The following MAD1L1 variants were observed in gnomAD, a reference collection of about 807,000 sequenced individuals.
MAD1L1 encodes mitotic spindle assembly checkpoint protein MAD1.
In MAD1L1, 95 loss-of-function variants were observed where a neutral mutation model predicts 96.9. The ratio of observed to expected loss-of-function variants is 0.98; its 90% CI spans 0.83 to 1.16. MAD1L1 has a LOEUF of 1.16. MAD1L1 is among the 50% of genes most tolerant of loss of function. The pLI, the probability that MAD1L1 is intolerant of heterozygous loss-of-function variation, is 0.00. For synonymous variants in MAD1L1, 473 were observed against 396.6 expected (o/e 1.19, Z -2.29); for missense variants, 1,007 against 954.4 (o/e 1.06, Z -0.73).
At position 2,218,370 on chromosome 7, in the gene MAD1L1, A is replaced by G. The variant is rs902856627; in HGVS notation, c.597-327T>C. 3.9e-5 allele frequency among the ~76,000 whole-genome samples: 6 copies of G among 152,168 alleles called. No individual in the cohort carries two copies. In the East Asian group the frequency reaches 7.7e-4, roughly 20 times the overall value. On this transcript the variant is annotated intron_variant, in intron 6 of 18. Coordinates refer to ENST00000265854, the MANE Select transcript of MAD1L1 (RefSeq NM_001013836.2). ...CTCTCACCTGCCTGCGGCAACCCCC[A>G]GCCCTGGTGCAGCTGCGGTAGGGCC...
At chr7:2,083,149 CT>C (rs1785738114) in intron 11 of MAD1L1, among the ~76,000 whole-genome samples, 1 of 152,218 alleles carries the variant, frequency 6.6e-6, no homozygotes, top group Admixed American at 6.5e-5. Context: ...ATTCCCCGTG[CT>C]GAGTAACAAA....
chr7:1,971,687 T>C (rs1295060844), intron 15 of MAD1L1, among the ~76,000 whole-genome samples: 1 of 152,130 alleles, frequency 6.6e-6, no homozygotes, highest in Non-Finnish European at 1.5e-5. Flanking sequence ...GGCATTTACC[T>C]GAAGACAAAG....
At position 2,219,361 on chromosome 7, in the gene MAD1L1, C is replaced by T; in HGVS notation, c.567G>A (p.Glu189=). 3.8e-6 allele frequency: 6 copies of T among 1,596,016 alleles called. No individual in the cohort carries two copies. Among genetic ancestry groups the T allele is most frequent in the Non-Finnish European group, 5.1e-6 (6 of 1,170,504 alleles). Residue 189 remains glutamate, a synonymous_variant, in exon 6 of 19, where the codon GAG becomes GAA. Transcript: ENST00000265854. The part of the protein sequence containing the change: ...RVKRLESEKQ[E]LQEQLDLQHK... ...GTTGCAGGTCCAGCTGCTCCTGCAG[C>T]TCCTGCTTCTCCGACTCCAGGCGCT...
At chr7:1,997,706 C>T (rs1013246476) in intron 14 of MAD1L1, among the ~76,000 whole-genome samples, 8 of 152,232 alleles carry the variant, frequency 5.3e-5, no homozygotes, top group Admixed American at 3.3e-4. Context: ...CAGCCCAGTG[C>T]GGTGGCGGGG....
chr7:1,966,355 G>A (rs1019129123), intron 15 of MAD1L1, among the ~76,000 whole-genome samples: 3 of 152,194 alleles, frequency 2.0e-5, no homozygotes, highest in Non-Finnish European at 2.9e-5. Flanking sequence ...AGCCTGGAGA[G>A]AGGCAGTTCC....
At chr7:2,159,673 A>T (rs1790008373) in intron 10 of MAD1L1, among the ~76,000 whole-genome samples, 2 of 152,236 alleles carry the variant, frequency 1.3e-5, no homozygotes, top group Non-Finnish European at 2.9e-5. Context: ...AACAGTAACT[A>T]TCCGACTAAA....
chr7:2,041,767 G>T (rs1251262841), intron 12 of MAD1L1, among the ~76,000 whole-genome samples: 1 of 152,200 alleles, frequency 6.6e-6, no homozygotes, highest in Non-Finnish European at 1.5e-5. Context: ...GAGAGGAGTA[G>T]AAAACTCCAC....
At chr7:2,002,442 G>A (rs1310075233) in intron 13 of MAD1L1, among the ~76,000 whole-genome samples, 1 of 152,222 alleles carries the variant, frequency 6.6e-6, no homozygotes, top group African/African-American at 2.4e-5. Flanking sequence ...GGCCCAAGAG[G>A]GACTGTGGAA....
chr7:2,034,462 C>T (rs570479818), intron 12 of MAD1L1, among the ~76,000 whole-genome samples: 2 of 152,292 alleles, frequency 1.3e-5, no homozygotes, highest in East Asian at 1.9e-4. Flanking sequence ...GCAATCCACC[C>T]GTCTCAGCCT....
chr7:2,053,256 C>T (rs1006106355), intron 12 of MAD1L1, among the ~76,000 whole-genome samples: 6 of 152,154 alleles, frequency 3.9e-5, no homozygotes, highest in Non-Finnish European at 7.3e-5. Context: ...TTGGGGGCCG[C>T]GGAGGCCCAT....
chr7:1,884,016 C>G (rs1359665632), intron 18 of MAD1L1, among the ~76,000 whole-genome samples: 1 of 151,964 alleles, frequency 6.6e-6, no homozygotes, highest in South Asian at 2.1e-4. Flanking sequence ...CAGCTGGGGA[C>G]TCCCCAGCAT....
rs185298053 is a variant in MAD1L1 at position 2,223,937 on chromosome 7, G to A, written c.292-1183C>T. The stretch of plus-strand genomic sequence containing the variant: ...TGGGGTCCCATGCAGCTGTGTCTGC[G>A]GGCAAGGAAGGACAGTCCTGTTAGA... On this transcript the variant is annotated intron_variant, in intron 4 of 18. Transcript: ENST00000265854. Among the ~76,000 whole-genome samples the A allele has an allele frequency of 8.1e-4, 124 of 152,264 alleles. 2 individuals carry two copies. The highest frequency in any genetic ancestry group is 7.2e-3 in the East Asian group (37 of 5,168).
intron 15 of MAD1L1, among the ~76,000 whole-genome samples, chr7:1,962,106 C>T (rs1422233433): frequency 2.0e-5 from 3 of 151,644 alleles, no homozygotes; most frequent in Admixed American, 2.0e-4. Flanking sequence ...AATCATAGGG[C>T]GGTTTCCCCC....
intron 11 of MAD1L1, among the ~76,000 whole-genome samples, chr7:2,104,756 A>T (rs1036268540): frequency 6.6e-6 from 1 of 152,160 alleles, no homozygotes; most frequent in African/African-American, 2.4e-5. Context: ...CTTTGCCATG[A>T]AAGACCTCAC....
At chr7:1,926,976 G>C (rs1432346376) in intron 17 of MAD1L1, among the ~76,000 whole-genome samples, 1 of 152,168 alleles carries the variant, frequency 6.6e-6, no homozygotes, top group Non-Finnish European at 1.5e-5. Context: ...CAAAGGATTA[G>C]AAAACAAAAT....
rs370941880 is a variant in MAD1L1 at position 2,064,834 on chromosome 7, G to A, written c.1218+4360C>T. On this transcript the variant is annotated intron_variant, in intron 12 of 18. Transcript: ENST00000265854. ...GGACAGCGGCTTCTCCCAGGACAGC[G>A]GCTTCTCCTAGGAGGACAGTGTCTT... Among the ~76,000 whole-genome samples, 839 of 136,442 alleles carry A rather than the reference G, an allele frequency of 6.1e-3. 2 individuals carry two copies. The highest frequency in any genetic ancestry group is 8.6e-3 in the Non-Finnish European group (548 of 63,962). The allele number at this position is 136,442 out of a possible 152,430, so 89.5% of individuals were successfully genotyped here.
At chr7:2,024,225 C>G (rs1782904129) in intron 12 of MAD1L1, among the ~76,000 whole-genome samples, 1 of 152,144 alleles carries the variant, frequency 6.6e-6, no homozygotes, top group African/African-American at 2.4e-5. Context: ...TTATGAGCAA[C>G]TCTACGCCCA....
intron 1 of MAD1L1, among the ~76,000 whole-genome samples, chr7:2,231,805 G>T (rs970696948): frequency 6.6e-6 from 1 of 152,106 alleles, no homozygotes; most frequent in Non-Finnish European, 1.5e-5. Flanking sequence ...CGAGCACCGA[G>T]ACTTCTTGAA....
intron 12 of MAD1L1, among the ~76,000 whole-genome samples, chr7:2,052,716 A>G (rs1448128929): frequency 6.6e-6 from 1 of 152,232 alleles, no homozygotes; most frequent in African/African-American, 2.4e-5. Flanking sequence ...AAAGGGGTAC[A>G]CCATCAAAAT....
Sources: gnomAD v4.1 joint callset for allele counts (sites outside exome capture counted in the v4.1 genomes callset) on GRCh38, gnomAD v4.1.1 for gene constraint, MANE v1.5 for transcripts, NCBI Gene and HGNC (gene_info 2026-07-23, HGNC 2026-07-21) for gene names.